The following SPRR2B variants were observed in gnomAD, a reference collection of about 807,000 sequenced individuals.
SPRR2B encodes small proline-rich protein 2B.
A neutral mutation model predicts 1.0 loss-of-function variants in SPRR2B; 1 was observed. The ratio of observed to expected loss-of-function variants is 1.01; its 90% CI spans 0.36 to 4.77. The LOEUF (loss-of-function observed/expected upper bound fraction) is 4.77, where lower values mean the gene tolerates loss of function less well. Among genes scored for constraint, SPRR2B ranks in the 30% most tolerant of loss-of-function variants. The probability of loss-of-function intolerance (pLI) is 0.16; values close to 1 mark genes in which losing one functional copy is unlikely to be tolerated. For synonymous variants in SPRR2B, 27 were observed against 33.4 expected (o/e 0.81, Z 0.66); for missense variants, 53 against 88.7 (o/e 0.60, Z 1.62).
At chr1:153,079,243 T>A in the SPRR2B span, among the ~76,000 whole-genome samples, 1 of 152,332 alleles carries the variant, frequency 6.6e-6, no homozygotes, top group Admixed American at 6.5e-5. Flanking sequence ...TGGTTTGAGT[T>A]CAGTGTGGAT....
Position 153,070,590 on chromosome 1 carries a change from C to A in SPRR2B, c.*31G>T, listed in dbSNP as rs766833018. 2.5e-6 allele frequency: 4 copies of A among 1,602,720 alleles called. No homozygotes were observed. The highest frequency in any genetic ancestry group is 2.6e-6 in the Non-Finnish European group (3 of 1,175,064). ...AACGAGGTGAGCCAATTATCCTTATCCTCTCATGCTCCTGATGAATCCTGA... is the reference window on the plus strand; with the variant it reads ...AACGAGGTGAGCCAATTATCCTTATACTCTCATGCTCCTGATGAATCCTGA... On this transcript the variant is annotated 3_prime_UTR_variant, in exon 2 of 2. Transcript: ENST00000368755.
At position 153,071,130 on chromosome 1, in the gene SPRR2B, T is replaced by C. The variant is rs1269807953; in HGVS notation, c.-19-272A>G. ...CATGTTAATCCAAGAAATTAACATC[T>C]TCATGAAAGGCAGTCACAAGTTCAG... On this transcript the variant is annotated intron_variant, in intron 1 of 1. Transcript: ENST00000368755. Among the ~76,000 whole-genome samples the C allele has an allele frequency of 2.4e-5, 3 of 125,648 alleles. 1 individual carries two copies. Among genetic ancestry groups the C allele is most frequent in the Non-Finnish European group, 5.7e-5 (3 of 52,420 alleles). 82.4% of individuals were successfully genotyped at this position (125,648 alleles called of 152,430 possible). A position where few individuals can be genotyped will look rare whatever the true frequency, so the allele number is the denominator to read the frequency against.
upstream of SPRR2B, among the ~76,000 whole-genome samples, chr1:153,075,341 C>CA (rs907319631): frequency 6.7e-6 from 1 of 149,434 alleles, no homozygotes; most frequent in Non-Finnish European, 1.5e-5. Flanking sequence ...GACTCTATCT[C>CA]AAAAAAAATA....
chr1:153,070,496 G>C lies in SPRR2B; in HGVS notation c.*125C>G. 6.7e-7 allele frequency: 1 copy of C among 1,498,106 alleles called. No individual in the cohort carries two copies. Among genetic ancestry groups the C allele is most frequent in the Non-Finnish European group, 9.0e-7 (1 of 1,114,402 alleles). The allele number at this position is 1,498,106 out of a possible 1,614,324, so 92.8% of individuals were successfully genotyped here. A position where few individuals can be genotyped will look rare whatever the true frequency, so the allele number is the denominator to read the frequency against. On this transcript the variant is annotated 3_prime_UTR_variant, in exon 2 of 2. Coordinates refer to ENST00000368755, the MANE Select transcript of SPRR2B (RefSeq NM_001388198.1). ...AGGGAACATCATGGGCAGATCACAG[G>C]CTAAGGGGAAAGAAGCTCCCTATGA... is the stretch of plus-strand genomic sequence containing the variant.
chr1:153,086,347 T>C, the SPRR2B span, among the ~76,000 whole-genome samples: 4 of 151,482 alleles, frequency 2.6e-5, no homozygotes, highest in Non-Finnish European at 5.9e-5. Flanking sequence ...ACCAAACAAA[T>C]GAAAAACAGA....
At chr1:153,086,685 T>C in the SPRR2B span, among the ~76,000 whole-genome samples, 1 of 152,166 alleles carries the variant, frequency 6.6e-6, no homozygotes, top group Non-Finnish European at 1.5e-5. Context: ...GACAGAAAAC[T>C]AACAGTGTTA....
the SPRR2B span, among the ~76,000 whole-genome samples, chr1:153,079,183 A>G: frequency 8.6e-5 from 13 of 151,392 alleles, no homozygotes; most frequent in Non-Finnish European, 1.8e-4. Flanking sequence ...GTCTGTTTAT[A>G]TCCTTCGCCC....
chr1:153,078,519 C>A, the SPRR2B span, among the ~76,000 whole-genome samples: 3 of 152,092 alleles, frequency 2.0e-5, no homozygotes, highest in African/African-American at 7.2e-5. Context: ...CCCTCTACCC[C>A]CACCCCACAA....
chr1:153,078,636 A>G, the SPRR2B span, among the ~76,000 whole-genome samples: 5 of 151,872 alleles, frequency 3.3e-5, no homozygotes, highest in African/African-American at 1.2e-4. Flanking sequence ...TTCTTGCGAT[A>G]GTTTGCTGAG....
At chr1:153,086,941 A>G in the SPRR2B span, among the ~76,000 whole-genome samples, 7 of 152,170 alleles carry the variant, frequency 4.6e-5, no homozygotes, top group African/African-American at 1.4e-4. Flanking sequence ...CAAAACATAC[A>G]ATTACTTAGA....
the SPRR2B span, among the ~76,000 whole-genome samples, chr1:153,078,552 C>T: frequency 5.9e-5 from 9 of 151,928 alleles, no homozygotes; most frequent in Non-Finnish European, 7.4e-5. Flanking sequence ...TGTGACGTTC[C>T]CCTTCCTGTG....
At chr1:153,083,817 C>T in the SPRR2B span, among the ~76,000 whole-genome samples, 1 of 152,206 alleles carries the variant, frequency 6.6e-6, no homozygotes, top group Non-Finnish European at 1.5e-5. Flanking sequence ...AGGCAGCATG[C>T]CAGCTGACGT....
upstream of SPRR2B, among the ~76,000 whole-genome samples, chr1:153,072,046 G>C (rs932982206): frequency 1.3e-5 from 2 of 152,070 alleles, no homozygotes; most frequent in African/African-American, 2.4e-5. Context: ...AGATTTTTTT[G>C]CTAAGTTGTA....
At chr1:153,076,468 T>C (rs1362100020), upstream of SPRR2B, among the ~76,000 whole-genome samples, 1 of 152,106 alleles carries the variant, frequency 6.6e-6, no homozygotes, top group Non-Finnish European at 1.5e-5. Flanking sequence ...GCTGTGGTCT[T>C]CCTCCAAAAA....
upstream of SPRR2B, among the ~76,000 whole-genome samples, chr1:153,073,050 C>T (rs207460440): frequency 6.6e-6 from 1 of 152,184 alleles, no homozygotes; most frequent in Non-Finnish European, 1.5e-5. Flanking sequence ...AGCTACGCTC[C>T]AGATAGAGCA....
chr1:153,075,954 T>C (rs1298547869), upstream of SPRR2B, among the ~76,000 whole-genome samples: 2 of 152,320 alleles, frequency 1.3e-5, no homozygotes, highest in African/African-American at 4.8e-5. Flanking sequence ...AGCTTTCCTC[T>C]GAATTCAGAT....
chr1:153,078,311 G>C, the SPRR2B span, among the ~76,000 whole-genome samples: 1 of 152,144 alleles, frequency 6.6e-6, no homozygotes, highest in Non-Finnish European at 1.5e-5. Flanking sequence ...GTTGAGAACT[G>C]TTATAAGAGA....
chr1:153,074,204 G>A (rs1488140248), upstream of SPRR2B, among the ~76,000 whole-genome samples: 1 of 151,780 alleles, frequency 6.6e-6, no homozygotes, highest in African/African-American at 2.4e-5. Context: ...TTTAATAATT[G>A]TTCTTTTTTT....
upstream of SPRR2B, among the ~76,000 whole-genome samples, chr1:153,073,670 C>T (rs370678547): frequency 6.7e-5 from 10 of 149,508 alleles, no homozygotes; most frequent in East Asian, 1.4e-3. Context: ...ACATCCAGGC[C>T]CTGAGACATA....
Sources: allele counts gnomAD v4.1 joint callset (sites outside exome capture counted in the v4.1 genomes callset), GRCh38; gene constraint gnomAD v4.1.1; transcripts MANE v1.5; gene names NCBI Gene and HGNC (gene_info 2026-07-23, HGNC 2026-07-21).